The following PPP6C variants were observed in gnomAD, a reference collection of about 807,000 sequenced individuals.
PPP6C encodes serine/threonine-protein phosphatase 6 catalytic subunit.
PPP6C carries 11 observed loss-of-function variants against 39.8 expected under a neutral mutation model. The observed-to-expected ratio is 0.28, with a 90% CI of 0.17 to 0.46. The LOEUF is 0.46. PPP6C is among the 20% of genes least tolerant of loss of function. The pLI is 1.00. For synonymous variants in PPP6C, 129 were observed against 130.3 expected, an observed-to-expected ratio of 0.99 and a Z score of 0.07; for missense variants, 211 against 373.9, an observed-to-expected ratio of 0.56 and a Z score of 3.59.
intron 4 of PPP6C, among the ~76,000 whole-genome samples, chr9:125,155,979 T>G (rs973504522): frequency 6.6e-6 from 1 of 151,800 alleles, no homozygotes; most frequent in African/African-American, 2.4e-5. Context: ...ACATGTAGCA[T>G]TAGTTACATA....
chr9:125,171,296 A>G, intron 1 of PPP6C, 116 bp from the exon 2 acceptor site: 1 of 710,262 alleles, frequency 1.4e-6, no homozygotes, highest in South Asian at 2.5e-5. Context: ...ATACTTTTTG[A>G]TAGGAAAGTA....
At chr9:125,179,087 T>G (rs12237732) in intron 1 of PPP6C, among the ~76,000 whole-genome samples, 2,296 of 152,190 alleles carry the variant, frequency 0.015, 109 homozygotes, top group Admixed American at 0.082. Context: ...TGGTGGCGCA[T>G]GCCTATAATC....
chr9:125,153,745 A>G lies in PPP6C; in HGVS notation c.460-3T>C. 1 of 1,612,770 alleles carries G rather than the reference A, an allele frequency of 6.2e-7. No individual in the cohort carries two copies. The highest frequency in any genetic ancestry group is 8.5e-7 in the Non-Finnish European group (1 of 1,179,464). On this transcript the variant is annotated splice_polypyrimidine_tract_variant and splice_region_variant and intron_variant, in intron 5 of 6. Coordinates refer to ENST00000373547, the MANE Select transcript of PPP6C (RefSeq NM_002721.5). ...CACAAAATCTGCTCATCTATTAACT[A>G]GCAAAAAAGGATAACAAAGAGTTGA...
At chr9:125,156,744 G>GCTCGCTCTCTCT (rs1554721204) in intron 4 of PPP6C, among the ~76,000 whole-genome samples, 1 of 141,342 alleles carries the variant, frequency 7.1e-6, no homozygotes, top group Non-Finnish European at 1.5e-5. Flanking sequence ...TAATAAGCTC[G>GCTCGCTCTCTCT]CTCTCTCTCT....
intron 1 of PPP6C, chr9:125,188,964 T>A: frequency 6.5e-7 from 1 of 1,543,090 alleles, no homozygotes; most frequent in South Asian, 1.2e-5. Context: ...TAAGAAGGGG[T>A]TAAGGAGAAA....
intron 1 of PPP6C, among the ~76,000 whole-genome samples, chr9:125,172,371 T>G (rs1161628572): frequency 6.6e-6 from 1 of 152,026 alleles, no homozygotes; most frequent in Non-Finnish European, 1.5e-5. Context: ...CACACCATCA[T>G]GCCCAGCTAA....
At chr9:125,179,215 C>A (rs867134490) in intron 1 of PPP6C, among the ~76,000 whole-genome samples, 28 of 127,426 alleles carry the variant, frequency 2.2e-4, no homozygotes, top group East Asian at 7.5e-4. Context: ...AACTCCATCT[C>A]AAAAAAAAAA....
At chr9:125,184,779 C>T (rs549205926) in intron 1 of PPP6C, among the ~76,000 whole-genome samples, 1 of 151,974 alleles carries the variant, frequency 6.6e-6, no homozygotes, top group African/African-American at 2.4e-5. Flanking sequence ...TCGAGACCAG[C>T]CTGGCCAACA....
intron 3 of PPP6C, among the ~76,000 whole-genome samples, chr9:125,159,151 A>C (rs1588277298): frequency 7.1e-6 from 1 of 140,876 alleles, no homozygotes. Flanking sequence ...TGATTCTCCC[A>C]CCTCAGCTTC....
At chr9:125,166,687 C>A (rs1829021113) in intron 2 of PPP6C, among the ~76,000 whole-genome samples, 1 of 151,914 alleles carries the variant, frequency 6.6e-6, no homozygotes, top group African/African-American at 2.4e-5. Flanking sequence ...CACCCACCAC[C>A]ACACCTGGCA....
chr9:125,167,379 CAAAAAAAAAA>C (rs758123351), intron 2 of PPP6C, among the ~76,000 whole-genome samples: 3,421 of 56,134 alleles, frequency 0.061, 81 homozygotes, highest in Middle Eastern at 0.14. Flanking sequence ...AGACCCTGTC[CAAAAAAAAAA>C]AAAAAAAAAA....
intron 1 of PPP6C, among the ~76,000 whole-genome samples, chr9:125,179,655 CT>C (rs56221170): frequency 0.24 from 31,696 of 132,136 alleles, 3,165 homozygotes; most frequent in Middle Eastern, 0.31. Context: ...TTCTCTCTCT[CT>C]TTTTTTTTTT....
At chr9:125,168,647 C>T (rs1251516704) in intron 2 of PPP6C, among the ~76,000 whole-genome samples, 2 of 151,604 alleles carry the variant, frequency 1.3e-5, no homozygotes, top group East Asian at 1.9e-4. Context: ...TTAGTAGAGA[C>T]GGGGTTTCAC....
chr9:125,175,302 C>T (rs971352238), intron 1 of PPP6C, among the ~76,000 whole-genome samples: 2 of 151,904 alleles, frequency 1.3e-5, no homozygotes, highest in African/African-American at 4.8e-5. Context: ...AAGATGTTCT[C>T]GAAGGTTCCA....
chr9:125,149,973 CTACA>C lies in PPP6C; in HGVS notation c.670-56_670-53del, dbSNP rs762377527. 41 of 1,572,138 alleles carry C rather than the reference CTACA, an allele frequency of 2.6e-5. No homozygotes were observed. In the South Asian group the frequency reaches 4.0e-4, roughly 15 times the overall value. On this transcript the variant is annotated intron_variant, in intron 6 of 6. Transcript: ENST00000373547. ...ACTTAGCACTTAAAAAACAATCGGCCTACATAATCATTTAAATAAAATACCAAAT... is the reference window on the plus strand; with the variant it reads ...ACTTAGCACTTAAAAAACAATCGGCCTAATCATTTAAATAAAATACCAAAT...
intron 2 of PPP6C, among the ~76,000 whole-genome samples, chr9:125,164,540 A>G (rs1402408602): frequency 6.6e-6 from 1 of 151,412 alleles, no homozygotes; most frequent in East Asian, 2.0e-4. Context: ...TCTGTTTTTC[A>G]TATTTCAGAT....
chr9:125,151,460 C>T (rs1281175362), intron 6 of PPP6C: 8 of 798,310 alleles, frequency 1.0e-5, no homozygotes, highest in East Asian at 4.8e-5. Flanking sequence ...CAATAACATA[C>T]CCCAGGAGGA....
intron 1 of PPP6C, among the ~76,000 whole-genome samples, chr9:125,186,786 GAAAA>G (rs971834113): frequency 2.0e-5 from 3 of 148,008 alleles, no homozygotes; most frequent in Non-Finnish European, 3.0e-5. Flanking sequence ...ATTTTTTTAA[GAAAA>G]AAAAAGAAAC....
chr9:125,164,911 G>A (rs1215014057), intron 2 of PPP6C, among the ~76,000 whole-genome samples: 1 of 152,026 alleles, frequency 6.6e-6, no homozygotes, highest in Non-Finnish European at 1.5e-5. Context: ...GCTAATTTTT[G>A]TATTTTTAGT....
Sources: gnomAD v4.1 joint callset for allele counts (sites outside exome capture counted in the v4.1 genomes callset) on GRCh38, gnomAD v4.1.1 for gene constraint, MANE v1.5 for transcripts, NCBI Gene and HGNC (gene_info 2026-07-23, HGNC 2026-07-21) for gene names.